The following NDRG3 variants were observed in gnomAD, a reference collection of about 807,000 sequenced individuals.
NDRG3 encodes the protein protein NDRG3.
In NDRG3, 23 loss-of-function variants were observed where a neutral mutation model predicts 57.2. The ratio of observed to expected loss-of-function variants is 0.40; its 90% confidence interval spans 0.29 to 0.57. The LOEUF (loss-of-function observed/expected upper bound fraction) is 0.57, where lower values mean the gene tolerates loss of function less well. Among genes scored for constraint, NDRG3 ranks in the 20% least tolerant of loss-of-function variants. NDRG3 has a pLI of 0.42. For missense variants in NDRG3, 384 were observed against 457.3 expected (o/e 0.84, Z 1.46); for synonymous variants, 132 against 162.6 (o/e 0.81, Z 1.43).
intron 15 of NDRG3, among the ~76,000 whole-genome samples, chr20:36,655,093 G>A (rs1320188906): frequency 1.3e-5 from 2 of 152,226 alleles, no homozygotes; most frequent in Admixed American, 6.5e-5. Context: ...AAGTGGGCTG[G>A]AAGATCAGCT....
intron 8 of NDRG3, among the ~76,000 whole-genome samples, chr20:36,677,266 A>T (rs1173304092): frequency 6.6e-6 from 1 of 152,156 alleles, no homozygotes; most frequent in Non-Finnish European, 1.5e-5. Context: ...GGGGCCATGA[A>T]TGGAGCGGGA....
rs1182933471 is a variant in NDRG3 at position 36,661,542 on chromosome 20, T to TTTC, written c.811-1161_811-1159dup. 3.3e-5 allele frequency among the ~76,000 whole-genome samples: 5 copies of TTTC among 152,274 alleles called. No homozygotes were observed. In the East Asian group the frequency reaches 9.6e-4, roughly 29 times the overall value. ...TGAGTGAACACAGAAAGGAGTGGGA[T>TTTC]TTCTACAGATAGATAAAGGGAAAAG... is the stretch of plus-strand genomic sequence containing the variant. On this transcript the variant is annotated intron_variant, in intron 12 of 15. Transcript: ENST00000349004.
chr20:36,693,524 G>A (rs1482536663), intron 3 of NDRG3, among the ~76,000 whole-genome samples: 1 of 151,920 alleles, frequency 6.6e-6, no homozygotes, highest in Admixed American at 6.6e-5. Flanking sequence ...ACTGGTACCA[G>A]TCTGTGCCCT....
intron 2 of NDRG3, among the ~76,000 whole-genome samples, chr20:36,720,633 T>C (rs1984534972): frequency 6.6e-6 from 1 of 152,142 alleles, no homozygotes; most frequent in South Asian, 2.1e-4. Flanking sequence ...GACCACATCA[T>C]AGACTTGGCA....
intron 1 of NDRG3, among the ~76,000 whole-genome samples, chr20:36,722,966 T>A (rs1350333093): frequency 6.6e-6 from 1 of 152,230 alleles, no homozygotes; most frequent in African/African-American, 2.4e-5. Context: ...CAAACAGCCC[T>A]CTGGCGAGGC....
chr20:36,742,067 C>A (rs1339942696), intron 1 of NDRG3, among the ~76,000 whole-genome samples: 2 of 152,164 alleles, frequency 1.3e-5, no homozygotes, highest in Non-Finnish European at 2.9e-5. Context: ...AAAGTCAAAA[C>A]CCAAAGTGGT....
At chr20:36,706,832 T>C in intron 3 of NDRG3, 140 bp downstream of exon 3, 2 of 661,780 alleles carry the variant, frequency 3.0e-6, no homozygotes, top group South Asian at 2.3e-5. Flanking sequence ...TTAAGTGAAC[T>C]TGATCCAATG....
chr20:36,665,242 G>T lies in NDRG3; in HGVS notation c.752C>A (p.Thr251Lys). 4 of 1,614,088 alleles carry T rather than the reference G, an allele frequency of 2.5e-6. No homozygotes were observed. Among genetic ancestry groups the T allele is most frequent in the Non-Finnish European group, 2.5e-6 (3 of 1,179,968 alleles). Residue 251 changes from threonine to lysine, a missense_variant, in exon 11 of 16, where the codon ACA becomes AAA. Physicochemically the swap from Thr to Lys is moderately conservative, Grantham distance 78. Transcript: ENST00000349004. Reference sequence around the variant, plus strand: ...AGGAAACTGAGGAACTTACTTTAATGTTTTTGATTTGTTATCATTTTGGCC... The same window carrying T: ...AGGAAACTGAGGAACTTACTTTAATTTTTTTGATTTGTTATCATTTTGGCC... ...ILGQNDNKSK[T>K]LKCSTLLVVG...
chr20:36,663,153 G>T (rs183987308), intron 12 of NDRG3, among the ~76,000 whole-genome samples: 2 of 152,064 alleles, frequency 1.3e-5, no homozygotes, highest in Non-Finnish European at 2.9e-5. Context: ...TTTACCTCTG[G>T]GGAATGTTTT....
chr20:36,736,736 T>C (rs182698651), intron 1 of NDRG3, among the ~76,000 whole-genome samples: 2 of 152,088 alleles, frequency 1.3e-5, no homozygotes, highest in Admixed American at 6.6e-5. Flanking sequence ...CCCAGCTCCA[T>C]GGAAGACTTT....
At chr20:36,709,479 A>G (rs1338661389) in intron 2 of NDRG3, among the ~76,000 whole-genome samples, 1 of 152,222 alleles carries the variant, frequency 6.6e-6, no homozygotes, top group Admixed American at 6.5e-5. Flanking sequence ...TATTCCTAAC[A>G]CGAAACCGAA....
At chr20:36,674,035 T>C (rs1364074516) in intron 8 of NDRG3, among the ~76,000 whole-genome samples, 2 of 151,712 alleles carry the variant, frequency 1.3e-5, no homozygotes, top group Non-Finnish European at 2.9e-5. Context: ...ACCTGGGAGA[T>C]AGAGGTTGCA....
At chr20:36,715,044 A>G (rs1180168576) in intron 2 of NDRG3, among the ~76,000 whole-genome samples, 1 of 114,324 alleles carries the variant, frequency 8.7e-6, no homozygotes, top group Non-Finnish European at 1.7e-5. Context: ...ATATATATAT[A>G]TATATATATA....
chr20:36,682,135 C>T (rs1188040222), intron 7 of NDRG3, among the ~76,000 whole-genome samples: 5 of 152,156 alleles, frequency 3.3e-5, no homozygotes, highest in Non-Finnish European at 2.9e-5. Flanking sequence ...TTTTTTGGTA[C>T]ATTTTCTTCC....
At chr20:36,699,500 C>G (rs1484608205) in intron 3 of NDRG3, among the ~76,000 whole-genome samples, 2 of 152,262 alleles carry the variant, frequency 1.3e-5, no homozygotes, top group East Asian at 3.9e-4. Flanking sequence ...CAACTTGTCA[C>G]CTTGACAATC....
chr20:36,725,855 G>A (rs1481657681), intron 1 of NDRG3, among the ~76,000 whole-genome samples: 1 of 151,540 alleles, frequency 6.6e-6, no homozygotes, highest in Non-Finnish European at 1.5e-5. Flanking sequence ...ACATGGGTGG[G>A]CCTGTCAAAG....
At chr20:36,716,495 T>A (rs553535958) in intron 2 of NDRG3, among the ~76,000 whole-genome samples, 15 of 145,584 alleles carry the variant, frequency 1.0e-4, no homozygotes, top group African/African-American at 3.3e-4. Context: ...ATCATGCCAC[T>A]GCACTCCAGC....
chr20:36,711,475 A>G (rs952008160), intron 2 of NDRG3, among the ~76,000 whole-genome samples: 4 of 152,164 alleles, frequency 2.6e-5, no homozygotes, highest in African/African-American at 9.6e-5. Context: ...TTAAAATCTC[A>G]TAGAATATAG....
intron 1 of NDRG3, among the ~76,000 whole-genome samples, chr20:36,733,166 AAAAAAATATATATATATAT>A (rs1383834388): frequency 2.6e-5 from 2 of 77,692 alleles, no homozygotes; most frequent in Admixed American, 3.0e-4. Context: ...AAAAAAAAAA[AAAAAAATATATATATATAT>A]ATATATATAT....
Sources: allele counts gnomAD v4.1 joint callset (sites outside exome capture counted in the v4.1 genomes callset), GRCh38; gene constraint gnomAD v4.1.1; transcripts MANE v1.5; gene names NCBI Gene and HGNC (gene_info 2026-07-23, HGNC 2026-07-21).